The following DNAH6 variants were observed in gnomAD, a reference collection of about 807,000 sequenced individuals.
The protein encoded by DNAH6 is axonemal beta dynein heavy chain 6.
Under a neutral mutation model 491.4 loss-of-function variants are expected in DNAH6, and 340 were observed. That is an observed-to-expected ratio of 0.69 (90% confidence interval 0.63 to 0.76). The LOEUF is 0.76. DNAH6 is among the 30% of genes least tolerant of loss of function. DNAH6 has a pLI of 0.00. For synonymous variants in DNAH6, 1,603 were observed against 1,686.1 expected (o/e 0.95, Z 1.21); for missense variants, 4,443 against 4,972.2 (o/e 0.89, Z 3.20).
At chr2:84,686,740 A>G (rs1694295352) in intron 44 of DNAH6, among the ~76,000 whole-genome samples, 183 bp downstream of exon 44, 1 of 152,218 alleles carries the variant, frequency 6.6e-6, no homozygotes, top group South Asian at 2.1e-4. Flanking sequence ...GCAAAATTCT[A>G]TGGAACATAG....
intron 2 of DNAH6, among the ~76,000 whole-genome samples, chr2:84,523,382 C>A (rs1676321398): frequency 6.6e-6 from 1 of 151,526 alleles, no homozygotes; most frequent in African/African-American, 2.4e-5. Context: ...GCCTATCTGT[C>A]TTATTAATGT....
chr2:84,516,078 A>C (rs1055853021), upstream of DNAH6, among the ~76,000 whole-genome samples: 2 of 152,210 alleles, frequency 1.3e-5, no homozygotes, highest in Admixed American at 1.3e-4. Context: ...ATTTGTCTAC[A>C]CAACCCACAT....
intron 70 of DNAH6, among the ~76,000 whole-genome samples, chr2:84,800,148 A>G (rs779684966): frequency 1.3e-5 from 2 of 152,226 alleles, no homozygotes; most frequent in African/African-American, 2.4e-5. Context: ...AAGAACCCAT[A>G]TAGAGCCTTG....
chr2:84,722,653 T>C lies in DNAH6; in HGVS notation c.9821T>C (p.Leu3274Pro). 6.5e-7 allele frequency: 1 copy of C among 1,550,098 alleles called. No homozygotes were observed. Among genetic ancestry groups the C allele is most frequent in the Non-Finnish European group, 8.7e-7 (1 of 1,146,526 alleles). ...KITSGAIKTR[L>P]EEAESTEQMI... ...ACTTCTGGTGCCATTAAAACCAGGCTGGAAGAAGCAGAGTCCACTGAGCAG... is the reference window on the plus strand; with the variant it reads ...ACTTCTGGTGCCATTAAAACCAGGCCGGAAGAAGCAGAGTCCACTGAGCAG... Residue 3274 changes from leucine to proline, a missense_variant, in exon 60 of 77, where the codon CTG becomes CCG. This residue lies in a region of DNAH6 where 1,463 missense variants were observed against 1,656.6 expected (regional missense o/e 0.88). Transcript: ENST00000389394.
At chr2:84,753,396 A>G (rs1673657794) in intron 63 of DNAH6, among the ~76,000 whole-genome samples, 2 of 152,014 alleles carry the variant, frequency 1.3e-5, no homozygotes, top group African/African-American at 4.8e-5. Flanking sequence ...TGTCCAGTTT[A>G]TCTATTTTTT....
intron 61 of DNAH6, among the ~76,000 whole-genome samples, chr2:84,729,460 C>A (rs1436803717): frequency 6.6e-6 from 1 of 152,182 alleles, no homozygotes; most frequent in African/African-American, 2.4e-5. Flanking sequence ...TTCCTCACTG[C>A]AGCCTTATCA....
intron 44 of DNAH6, among the ~76,000 whole-genome samples, chr2:84,687,898 T>C (rs1409733490): frequency 2.6e-5 from 4 of 152,170 alleles, no homozygotes; most frequent in Non-Finnish European, 5.9e-5. Flanking sequence ...ATGCATAGTT[T>C]TTAACCAGTT....
chr2:84,683,100 CCTT>C (rs1693939660), intron 42 of DNAH6, among the ~76,000 whole-genome samples: 1 of 152,234 alleles, frequency 6.6e-6, no homozygotes, highest in Non-Finnish European at 1.5e-5. Context: ...TCAAATGTCA[CCTT>C]CTCAGCAAAA....
At position 84,778,010 on chromosome 2, in the gene DNAH6, C is replaced by T; in HGVS notation, c.10704-3483C>T. ...ATTTGCAGTTACATTATAGTCTTTGCCAGAGACAATCTTTGGTGTTCTAAG... is the reference window on the plus strand; with the variant it reads ...ATTTGCAGTTACATTATAGTCTTTGTCAGAGACAATCTTTGGTGTTCTAAG... On this transcript the variant is annotated intron_variant, in intron 64 of 76. Transcript: ENST00000389394. 20 of 1,002,438 alleles carry T rather than the reference C, an allele frequency of 2.0e-5. No individual in the cohort carries two copies. The South Asian group carries it at 2.5e-4, about 13-fold the overall frequency. The allele number at this position is 1,002,438 out of a possible 1,614,324, so 62.1% of individuals were successfully genotyped here. A position where few individuals can be genotyped will look rare whatever the true frequency, so the allele number is the denominator to read the frequency against.
intron 3 of DNAH6, among the ~76,000 whole-genome samples, chr2:84,527,036 T>C (rs1365150321): frequency 2.0e-5 from 3 of 152,104 alleles, no homozygotes; most frequent in East Asian, 1.9e-4. Flanking sequence ...AAAAATGGGA[T>C]GTTTTACATA....
At chr2:84,747,052 T>A (rs1673036401) in intron 63 of DNAH6, among the ~76,000 whole-genome samples, 1 of 152,122 alleles carries the variant, frequency 6.6e-6, no homozygotes, top group African/African-American at 2.4e-5. Flanking sequence ...AATCCCTACT[T>A]TCAATATTGG....
At chr2:84,466,510 C>CA in the DNAH6 span, among the ~76,000 whole-genome samples, 24 of 151,664 alleles carry the variant, frequency 1.6e-4, no homozygotes, top group Non-Finnish European at 2.4e-4. Context: ...GTAAATAGCT[C>CA]AAAAAAAAGT....
Position 84,785,780 on chromosome 2 carries a change from T to C in DNAH6, c.11100+24T>C, listed in dbSNP as rs149247927. On this transcript the variant is annotated intron_variant, in intron 67 of 76. Coordinates refer to ENST00000389394, the MANE Select transcript of DNAH6 (RefSeq NM_001370.2). ...AGGTACACTCAACTCTGCTTTTCAA[T>C]AGCAACAAGGAAGTGTATTATGAAA... is the stretch of plus-strand genomic sequence containing the variant. The C allele has an allele frequency of 7.4e-6, 11 of 1,496,586 alleles. No individual in the cohort carries two copies. The African/African-American group carries it at 1.1e-4, about 15-fold the overall frequency. 92.7% of individuals were successfully genotyped at this position (1,496,586 alleles called of 1,614,324 possible).
chr2:84,652,127 T>C (rs909434719), intron 33 of DNAH6, among the ~76,000 whole-genome samples: 8 of 152,006 alleles, frequency 5.3e-5, no homozygotes, highest in Non-Finnish European at 1.2e-4. Context: ...TGCACACGTA[T>C]GATATTTCTA....
chr2:84,698,103 C>T (rs1023997340), intron 47 of DNAH6, among the ~76,000 whole-genome samples: 1 of 152,198 alleles, frequency 6.6e-6, no homozygotes. Flanking sequence ...TGTTATGACA[C>T]AACAAAGCAG....
intron 62 of DNAH6, among the ~76,000 whole-genome samples, chr2:84,738,444 G>A (rs1224451161): frequency 6.6e-6 from 1 of 152,086 alleles, no homozygotes; most frequent in Non-Finnish European, 1.5e-5. Flanking sequence ...ATGGGGTGTT[G>A]TGTGTTGTGT....
At position 84,685,381 on chromosome 2, in the gene DNAH6, C is replaced by A. The variant is rs1386720346; in HGVS notation, c.6972C>A (p.Leu2324=). ...TIREEIQIFR[L]FCHECQRVFH... is the part of the protein sequence containing the mutation. ...GAGAAGAAATTCAGATATTTAGACT[C>A]TTTTGCCATGAGTGCCAAAGGGTCT... The change falls in exon 43 of 77, where the codon CTC becomes CTA. Residue 2324 remains leucine (L), a synonymous_variant. Coordinates refer to ENST00000389394, the MANE Select transcript of DNAH6 (RefSeq NM_001370.2). 5.2e-6 allele frequency: 8 copies of A among 1,529,112 alleles called. No individual in the cohort carries two copies. In the South Asian group the frequency reaches 1.0e-4, roughly 19 times the overall value. 94.7% of individuals were successfully genotyped at this position (1,529,112 alleles called of 1,614,324 possible). A position where few individuals can be genotyped will look rare whatever the true frequency, so the allele number is the denominator to read the frequency against.
intron 63 of DNAH6, among the ~76,000 whole-genome samples, chr2:84,754,614 A>G (rs1237533482): frequency 2.0e-5 from 3 of 152,188 alleles, no homozygotes; most frequent in Non-Finnish European, 2.9e-5. Context: ...TTTTTTTCTG[A>G]ATTTTCAATT....
chr2:84,797,394 GAAAGCT>G, intron 69 of DNAH6, 137 bp from the exon 70 acceptor site: 2 of 726,038 alleles, frequency 2.8e-6, no homozygotes, highest in East Asian at 5.5e-5. Context: ...ATGAAAGCAT[GAAAGCT>G]TAGGAAAAAC....
Sources: allele counts gnomAD v4.1 joint callset (sites outside exome capture counted in the v4.1 genomes callset), GRCh38; gene constraint gnomAD v4.1.1; regional missense constraint gnomAD v4.1.1; transcripts MANE v1.5; gene names NCBI Gene and HGNC (gene_info 2026-07-23, HGNC 2026-07-21).